Variants in PLCB1 observed in about 807,000 individuals in gnomAD.
PLCB1 encodes the protein phospholipase C beta 1.
Under a neutral mutation model 161.8 loss-of-function variants are expected in PLCB1, and 46 were observed. The ratio of observed to expected loss-of-function variants is 0.28; its 90% confidence interval spans 0.22 to 0.36. The LOEUF (loss-of-function observed/expected upper bound fraction) is 0.36. PLCB1 is among the 10% of genes least tolerant of loss of function. The pLI, the probability that PLCB1 is intolerant of heterozygous loss-of-function variation, is 1.00. For synonymous variants in PLCB1, 517 were observed against 503.7 expected, an observed-to-expected ratio of 1.03 and a Z score of -0.35; for missense variants, 1,016 against 1,472.5, an observed-to-expected ratio of 0.69 and a Z score of 5.07.
chr20:8,149,810 T>G (rs2051491360), intron 1 of PLCB1, among the ~76,000 whole-genome samples: 1 of 152,168 alleles, frequency 6.6e-6, no homozygotes, highest in African/African-American at 2.4e-5. Flanking sequence ...TTTGTATATA[T>G]CTTTCTGAAT....
intron 1 of PLCB1, among the ~76,000 whole-genome samples, chr20:8,142,190 G>C (rs1568567893): frequency 6.6e-6 from 1 of 152,202 alleles, no homozygotes; most frequent in East Asian, 1.9e-4. Context: ...GAACTGTCTG[G>C]TGTTTGTCTG....
At chr20:8,307,201 T>A (rs756506812) in intron 2 of PLCB1, among the ~76,000 whole-genome samples, 2 of 151,746 alleles carry the variant, frequency 1.3e-5, no homozygotes, top group Non-Finnish European at 2.9e-5. Flanking sequence ...AGAGTGGGAG[T>A]AGGGGGGTGG....
intron 31 of PLCB1, among the ~76,000 whole-genome samples, chr20:8,831,033 C>A (rs1260638631): frequency 6.6e-6 from 1 of 152,222 alleles, no homozygotes; most frequent in African/African-American, 2.4e-5. Flanking sequence ...ATGTTGACTG[C>A]ATGTTAACTG....
chr20:8,487,163 A>C (rs1423748356), intron 3 of PLCB1, among the ~76,000 whole-genome samples: 1 of 152,222 alleles, frequency 6.6e-6, no homozygotes, highest in Non-Finnish European at 1.5e-5. Flanking sequence ...TTTATCCTGT[A>C]ATAAGATAGA....
At chr20:8,193,479 C>T (rs1211086811) in intron 2 of PLCB1, among the ~76,000 whole-genome samples, 3 of 151,506 alleles carry the variant, frequency 2.0e-5, no homozygotes, top group East Asian at 1.9e-4. Flanking sequence ...GGAAATATCC[C>T]CTAGAAAGAA....
chr20:8,509,750 A>G (rs1372279017), intron 3 of PLCB1, among the ~76,000 whole-genome samples: 1 of 150,020 alleles, frequency 6.7e-6, no homozygotes, highest in Non-Finnish European at 1.5e-5. Flanking sequence ...AGATAGATAG[A>G]TAGATAGATA....
At chr20:8,255,670 TA>T (rs1981371956) in intron 2 of PLCB1, among the ~76,000 whole-genome samples, 1 of 152,028 alleles carries the variant, frequency 6.6e-6, no homozygotes, top group African/African-American at 2.4e-5. Context: ...TAGGAATGTA[TA>T]AAAAATATAC....
chr20:8,618,358 A>G lies in PLCB1; in HGVS notation c.247-9936A>G, dbSNP rs557827095. On this transcript the variant is annotated intron_variant, in intron 3 of 31. Coordinates refer to ENST00000338037, the MANE Select transcript of PLCB1 (RefSeq NM_015192.4). The stretch of plus-strand genomic sequence containing the variant: ...TTTACACTCCTTAAATTTCCTTTCT[A>G]TTCCCTATTTAGAATTGTACTGGCT... Among the ~76,000 whole-genome samples, 12 of 152,142 alleles carry G rather than the reference A, an allele frequency of 7.9e-5. No homozygotes were observed. In the East Asian group the frequency reaches 1.2e-3, roughly 15 times the overall value.
intron 1 of PLCB1, among the ~76,000 whole-genome samples, chr20:8,141,320 C>T (rs2051400870): frequency 6.6e-6 from 1 of 152,084 alleles, no homozygotes; most frequent in African/African-American, 2.4e-5. Context: ...AACCTCATTG[C>T]TGCTTTGAGA....
At chr20:8,739,635 G>A (rs945444477) in intron 21 of PLCB1, among the ~76,000 whole-genome samples, 1 of 152,184 alleles carries the variant, frequency 6.6e-6, no homozygotes, top group African/African-American at 2.4e-5. Context: ...GGCCGGGTTT[G>A]GCTAATCTAG....
chr20:8,470,502 C>T (rs1230573743), intron 3 of PLCB1, among the ~76,000 whole-genome samples: 1 of 152,050 alleles, frequency 6.6e-6, no homozygotes, highest in Non-Finnish European at 1.5e-5. Context: ...TTTCCCTAAT[C>T]CTAGTGATGC....
chr20:8,398,492 A>G (rs965310462), intron 3 of PLCB1, among the ~76,000 whole-genome samples: 15 of 151,976 alleles, frequency 9.9e-5, no homozygotes, highest in African/African-American at 3.1e-4. Flanking sequence ...AGCAAATCTC[A>G]TGTCTGCTGA....
At chr20:8,255,704 T>A (rs1275445114) in intron 2 of PLCB1, among the ~76,000 whole-genome samples, 6 of 152,030 alleles carry the variant, frequency 3.9e-5, no homozygotes, top group Admixed American at 6.6e-5. Context: ...ATTAAGCTTA[T>A]ATAATTATAC....
intron 21 of PLCB1, among the ~76,000 whole-genome samples, chr20:8,740,126 AATC>A (rs1420815911): frequency 3.3e-5 from 5 of 152,188 alleles, no homozygotes; most frequent in Non-Finnish European, 5.9e-5. Context: ...TTGTGGGAAA[AATC>A]ATACGGTTGG....
At chr20:8,673,282 AT>A (rs1222343653) in intron 9 of PLCB1, among the ~76,000 whole-genome samples, 1 of 152,198 alleles carries the variant, frequency 6.6e-6, no homozygotes, top group Non-Finnish European at 1.5e-5. Context: ...GATGGCACTG[AT>A]GGAGCAGGTG....
intron 31 of PLCB1, among the ~76,000 whole-genome samples, chr20:8,859,696 G>C (rs1987190319): frequency 6.6e-6 from 1 of 152,038 alleles, no homozygotes; most frequent in South Asian, 2.1e-4. Context: ...TCTTGTTGAA[G>C]TCTTTTCCAC....
chr20:8,881,883 C>A lies in PLCB1; in HGVS notation c.*34C>A. 1 of 1,345,184 alleles carries A rather than the reference C, an allele frequency of 7.4e-7. No individual in the cohort carries two copies. Among genetic ancestry groups the A allele is most frequent in the Non-Finnish European group, 1.1e-6 (1 of 935,676 alleles). The allele number at this position is 1,345,184 out of a possible 1,614,324, so 83.3% of individuals were successfully genotyped here. On this transcript the variant is annotated 3_prime_UTR_variant, in exon 32 of 32. Transcript: ENST00000338037. ...GCCAGGCCTTCAGAAATTGCATGGCCACTCCAGCGTCATCGGACTCTCTCT... is the reference window on the plus strand; with the variant it reads ...GCCAGGCCTTCAGAAATTGCATGGCAACTCCAGCGTCATCGGACTCTCTCT...
In PLCB1 at chr20:8,241,240, C is replaced by T. The variant is rs370542369; in HGVS notation, c.177+90869C>T. ...CAAGTAATCTACTTGAAAAATTAAG[C>T]CTCTACTTTCCAGGAAAGATAATTT... On this transcript the variant is annotated intron_variant, in intron 2 of 31. Coordinates refer to ENST00000338037, the MANE Select transcript of PLCB1 (RefSeq NM_015192.4). Among the ~76,000 whole-genome samples the T allele has an allele frequency of 8.6e-5, 13 of 152,028 alleles. No homozygotes were observed. In the South Asian group the frequency reaches 2.7e-3, roughly 32 times the overall value.
At chr20:8,387,663 A>G (rs2122415595) in intron 3 of PLCB1, among the ~76,000 whole-genome samples, 1 of 152,364 alleles carries the variant, frequency 6.6e-6, no homozygotes, top group East Asian at 1.9e-4. Context: ...TTCAATTTGT[A>G]AAAACAAACA....
Sources: gnomAD v4.1 joint callset for allele counts (sites outside exome capture counted in the v4.1 genomes callset) on GRCh38, gnomAD v4.1.1 for gene constraint, MANE v1.5 for transcripts, NCBI Gene and HGNC (gene_info 2026-07-23, HGNC 2026-07-21) for gene names.